Variants in CDH13 observed in about 807,000 individuals in gnomAD.
CDH13 encodes the protein cadherin-13.
In CDH13, 24 loss-of-function variants were observed where a neutral mutation model predicts 63.8. The ratio of observed to expected loss-of-function variants is 0.38; its 90% CI spans 0.27 to 0.53. The LOEUF is 0.53. Among genes scored for constraint, CDH13 ranks in the 20% least tolerant of loss-of-function variants. The pLI, the probability that CDH13 is intolerant of heterozygous loss-of-function variation, is 0.85. For synonymous variants in CDH13, 503 were observed against 355.3 expected, an observed-to-expected ratio of 1.42 and a Z score of -4.67; for missense variants, 1,049 against 903.1, an observed-to-expected ratio of 1.16 and a Z score of -2.07.
intron 13 of CDH13, among the ~76,000 whole-genome samples, chr16:83,791,811 C>CAAAA (rs10548547): frequency 4.2e-5 from 4 of 94,896 alleles, no homozygotes; most frequent in Non-Finnish European, 6.5e-5. Flanking sequence ...ACTTTGTCTC[C>CAAAA]AAAAAAAAAA....
At chr16:82,908,576 A>G (rs542859409) in intron 2 of CDH13, among the ~76,000 whole-genome samples, 9 of 152,186 alleles carry the variant, frequency 5.9e-5, no homozygotes, top group Admixed American at 5.9e-4. Context: ...ATAGTTCAGA[A>G]AAACAGATAT....
At chr16:83,258,338 A>T (rs1352928819) in intron 5 of CDH13, among the ~76,000 whole-genome samples, 1 of 152,236 alleles carries the variant, frequency 6.6e-6, no homozygotes, top group Non-Finnish European at 1.5e-5. Context: ...CTGCTTTAAC[A>T]GTCCTGGTTC....
At chr16:83,153,729 C>T (rs2037087377) in intron 4 of CDH13, among the ~76,000 whole-genome samples, 1 of 152,138 alleles carries the variant, frequency 6.6e-6, no homozygotes, top group South Asian at 2.1e-4. Flanking sequence ...TCAGAAGGAA[C>T]CAACCCTGGC....
intron 2 of CDH13, among the ~76,000 whole-genome samples, chr16:83,017,356 TC>T (rs1474807543): frequency 1.3e-5 from 2 of 152,208 alleles, no homozygotes; most frequent in Non-Finnish European, 2.9e-5. Flanking sequence ...ACTCTTTGAC[TC>T]CCTGTTATGT....
intron 7 of CDH13, among the ~76,000 whole-genome samples, chr16:83,518,458 T>G (rs959048549): frequency 1.3e-4 from 17 of 135,832 alleles, no homozygotes; most frequent in East Asian, 1.0e-3. Flanking sequence ...ATGTGATGGG[T>G]TTTTTTTTGT....
At chr16:83,498,509 G>T (rs1257673836) in intron 7 of CDH13, among the ~76,000 whole-genome samples, 4 of 152,166 alleles carry the variant, frequency 2.6e-5, no homozygotes, top group Non-Finnish European at 4.4e-5. Flanking sequence ...AAAGAACAGT[G>T]TCACCATGTG....
At chr16:83,763,552 T>C (rs1914146636) in intron 11 of CDH13, among the ~76,000 whole-genome samples, 1 of 152,092 alleles carries the variant, frequency 6.6e-6, no homozygotes, top group Admixed American at 6.5e-5. Flanking sequence ...TTTTCATAGC[T>C]CAACCAAGCT....
chr16:83,458,399 A>T (rs1417767641), intron 6 of CDH13, among the ~76,000 whole-genome samples: 1 of 152,166 alleles, frequency 6.6e-6, no homozygotes, highest in African/African-American at 2.4e-5. Flanking sequence ...ACTTCCCAAC[A>T]TCATCGCCAT....
At chr16:83,445,826 C>G (rs1567677754) in intron 6 of CDH13, among the ~76,000 whole-genome samples, 1 of 152,112 alleles carries the variant, frequency 6.6e-6, no homozygotes, top group Non-Finnish European at 1.5e-5. Flanking sequence ...AGTTCCCAGT[C>G]TTCCTCAAGT....
At chr16:82,760,121 G>A (rs1258676937) in intron 1 of CDH13, among the ~76,000 whole-genome samples, 1 of 152,084 alleles carries the variant, frequency 6.6e-6, no homozygotes, top group African/African-American at 2.4e-5. Flanking sequence ...TAAGCATAGA[G>A]TTTTTCTGGA....
At chr16:82,635,684 G>A (rs531911385) in intron 1 of CDH13, among the ~76,000 whole-genome samples, 1 of 152,300 alleles carries the variant, frequency 6.6e-6, no homozygotes, top group African/African-American at 2.4e-5. Context: ...CAGGAACGAC[G>A]GTGCAGAGAT....
At chr16:82,679,077 C>G (rs1914255317) in intron 1 of CDH13, among the ~76,000 whole-genome samples, 1 of 152,188 alleles carries the variant, frequency 6.6e-6, no homozygotes, top group Admixed American at 6.5e-5. Flanking sequence ...ATGTCTGTCT[C>G]TAGGACACGG....
Position 83,257,395 on chromosome 16 carries a change from C to G in CDH13, c.636+39898C>G, listed in dbSNP as rs188563410. ...GAGTATTCAAGCAGACCCCAAAGGC[C>G]AAAGTTCATGGATGAGGTTTCCTCT... On this transcript the variant is annotated intron_variant, in intron 5 of 13. Coordinates refer to ENST00000567109, the MANE Select transcript of CDH13 (RefSeq NM_001257.5). 8.2e-4 allele frequency among the ~76,000 whole-genome samples: 124 copies of G among 152,146 alleles called. 1 individual carries two copies. Among genetic ancestry groups the G allele is most frequent in the Middle Eastern group, 3.4e-3 (1 of 294 alleles).
At chr16:83,633,209 C>G (rs1485403977) in intron 8 of CDH13, among the ~76,000 whole-genome samples, 1 of 151,780 alleles carries the variant, frequency 6.6e-6, no homozygotes, top group Non-Finnish European at 1.5e-5. Flanking sequence ...GACAATGCAA[C>G]CCAGTAGGTC....
chr16:83,381,481 C>A lies in CDH13; in HGVS notation c.781+36475C>A, dbSNP rs528849004. ...GCACCGAGATCGCATCAGCAAGAAC[C>A]CTCAAAGCCCTGGGATGCAGTTCTT... On this transcript the variant is annotated intron_variant, in intron 6 of 13. Coordinates refer to ENST00000567109, the MANE Select transcript of CDH13 (RefSeq NM_001257.5). Among the ~76,000 whole-genome samples, 4 of 152,094 alleles carry A rather than the reference C, an allele frequency of 2.6e-5. No individual in the cohort carries two copies. The East Asian group carries it at 7.8e-4, about 29-fold the overall frequency.
At chr16:82,664,113 C>G (rs1912305459) in intron 1 of CDH13, among the ~76,000 whole-genome samples, 1 of 152,220 alleles carries the variant, frequency 6.6e-6, no homozygotes, top group South Asian at 2.1e-4. Context: ...GTCAGTGAGA[C>G]AAGGACAGTG....
chr16:83,259,926 A>C (rs16959961), intron 5 of CDH13, among the ~76,000 whole-genome samples: 15 of 152,260 alleles, frequency 9.9e-5, no homozygotes, highest in African/African-American at 3.6e-4. Context: ...CGTGCAACCA[A>C]ATGAACATCA....
intron 2 of CDH13, among the ~76,000 whole-genome samples, chr16:82,992,310 A>G (rs1255766089): frequency 6.6e-6 from 1 of 152,200 alleles, no homozygotes; most frequent in Admixed American, 6.5e-5. Flanking sequence ...CAGAATCACC[A>G]AGGATGTTTG....
chr16:82,684,649 C>A (rs1368609168), intron 1 of CDH13, among the ~76,000 whole-genome samples: 1 of 151,996 alleles, frequency 6.6e-6, no homozygotes, highest in Non-Finnish European at 1.5e-5. Flanking sequence ...TACCTGGAGT[C>A]TCTACTGGTT....
Sources: allele counts gnomAD v4.1 joint callset (sites outside exome capture counted in the v4.1 genomes callset), GRCh38; gene constraint gnomAD v4.1.1; transcripts MANE v1.5; gene names NCBI Gene and HGNC (gene_info 2026-07-23, HGNC 2026-07-21).